The following LRRTM4 variants were observed in gnomAD, a reference collection of about 807,000 sequenced individuals.
LRRTM4 encodes the protein leucine rich repeat transmembrane neuronal 4.
LRRTM4 carries 25 observed loss-of-function variants against 47.6 expected under a neutral mutation model. The ratio of observed to expected loss-of-function variants is 0.53; its 90% CI spans 0.38 to 0.73. The LOEUF (loss-of-function observed/expected upper bound fraction) is 0.73. Ranked by LOEUF, LRRTM4 falls within the 30% of genes least tolerant of loss-of-function variation. LRRTM4 has a pLI of 0.00. For missense variants in LRRTM4, 638 were observed against 713.4 expected, an observed-to-expected ratio of 0.89 and a Z score of 1.20; for synonymous variants, 311 against 269.5, an observed-to-expected ratio of 1.15 and a Z score of -1.51.
At chr2:77,023,472 C>CA (rs1290761221) in intron 3 of LRRTM4, among the ~76,000 whole-genome samples, 6 of 152,316 alleles carry the variant, frequency 3.9e-5, no homozygotes, top group Admixed American at 3.3e-4. Context: ...TGTCAGGCTG[C>CA]AAATTTTCTC....
chr2:77,095,645 G>A (rs1423886245), intron 3 of LRRTM4, among the ~76,000 whole-genome samples: 1 of 147,400 alleles, frequency 6.8e-6, no homozygotes, highest in African/African-American at 2.7e-5. Context: ...AACTGAGACT[G>A]CAGGCTCAGT....
At chr2:77,082,025 C>A (rs967865344) in intron 3 of LRRTM4, among the ~76,000 whole-genome samples, 2 of 152,074 alleles carry the variant, frequency 1.3e-5, no homozygotes, top group Non-Finnish European at 2.9e-5. Context: ...TTTAGCATTA[C>A]CTAGTTTAGT....
intron 3 of LRRTM4, among the ~76,000 whole-genome samples, chr2:77,071,432 C>T (rs1277481534): frequency 3.9e-5 from 6 of 152,040 alleles, no homozygotes; most frequent in African/African-American, 4.8e-5. Context: ...TATAAAGATA[C>T]ATCTCTGGTA....
intron 3 of LRRTM4, among the ~76,000 whole-genome samples, chr2:76,855,629 GAATA>G (rs1275615149): frequency 4.6e-5 from 7 of 152,128 alleles, no homozygotes; most frequent in South Asian, 2.1e-4. Context: ...ATAAAAATTA[GAATA>G]AATAACAACA....
chr2:77,034,426 T>C (rs1202255547), intron 3 of LRRTM4, among the ~76,000 whole-genome samples: 2 of 151,972 alleles, frequency 1.3e-5, no homozygotes, highest in African/African-American at 4.8e-5. Context: ...AATATGCACA[T>C]TCCTAGACAT....
chr2:77,339,385 A>C (rs953159192), intron 3 of LRRTM4, among the ~76,000 whole-genome samples: 1 of 152,060 alleles, frequency 6.6e-6, no homozygotes, highest in African/African-American at 2.4e-5. Context: ...AAATTTGTTT[A>C]ATTTTAGGAC....
At chr2:77,454,616 G>A (rs551145706) in intron 3 of LRRTM4, among the ~76,000 whole-genome samples, 64 of 152,108 alleles carry the variant, frequency 4.2e-4, no homozygotes, top group African/African-American at 1.5e-3. Context: ...AGCAATGACC[G>A]CTACTGTTCA....
intron 3 of LRRTM4, among the ~76,000 whole-genome samples, chr2:77,446,987 T>C (rs897656094): frequency 2.1e-5 from 3 of 141,062 alleles, no homozygotes; most frequent in East Asian, 4.2e-4. Context: ...CCAAAACTAG[T>C]ACAAAATAAA....
chr2:77,518,537 A>G lies in LRRTM4; in HGVS notation c.1332T>C (p.Tyr444=), dbSNP rs753214256. Residue 444 remains tyrosine (Y), a synonymous_variant, in exon 3 of 4, where the codon TAT becomes TAC. Transcript: ENST00000409884. ...LSVAMILLVI[Y]VSWKRYPASM... is the part of the protein sequence containing the mutation. Reference sequence around the variant, plus strand: ...TGGCTGGGTAGCGTTTCCAAGACACATAGATCACCAAGAGGATCATGGCCA... The same window carrying G: ...TGGCTGGGTAGCGTTTCCAAGACACGTAGATCACCAAGAGGATCATGGCCA... The G allele has an allele frequency of 8.9e-5, 143 of 1,613,298 alleles. 2 individuals are homozygous for G. In the South Asian group the frequency reaches 1.5e-3, roughly 17 times the overall value.
intron 3 of LRRTM4, among the ~76,000 whole-genome samples, chr2:76,884,250 T>C (rs1170788661): frequency 6.6e-6 from 1 of 152,182 alleles, no homozygotes; most frequent in Non-Finnish European, 1.5e-5. Context: ...TAACCTTATT[T>C]AGGGAAGAAG....
intron 3 of LRRTM4, among the ~76,000 whole-genome samples, chr2:76,914,387 C>T (rs940381021): frequency 1.3e-5 from 2 of 151,972 alleles, no homozygotes; most frequent in Non-Finnish European, 2.9e-5. Context: ...ATTATATAAA[C>T]TGCATTCCCT....
At chr2:77,164,083 C>T (rs896039092) in intron 3 of LRRTM4, among the ~76,000 whole-genome samples, 3 of 152,150 alleles carry the variant, frequency 2.0e-5, no homozygotes, top group Non-Finnish European at 2.9e-5. Flanking sequence ...TGCAGAGACA[C>T]ACATAGGCTC....
At chr2:77,428,894 T>C (rs577832938) in intron 3 of LRRTM4, among the ~76,000 whole-genome samples, 1 of 152,248 alleles carries the variant, frequency 6.6e-6, no homozygotes, top group Admixed American at 6.5e-5. Flanking sequence ...TTTAAGCACA[T>C]AGTGTGCTGC....
intron 3 of LRRTM4, among the ~76,000 whole-genome samples, chr2:77,221,089 C>A (rs1382685098): frequency 1.3e-5 from 2 of 152,152 alleles, no homozygotes; most frequent in African/African-American, 4.8e-5. Context: ...CCCAGAATTT[C>A]ATATCCAGCC....
At chr2:77,497,396 G>A (rs1026101888) in intron 3 of LRRTM4, among the ~76,000 whole-genome samples, 2 of 151,132 alleles carry the variant, frequency 1.3e-5, no homozygotes, top group African/African-American at 4.8e-5. Context: ...TAAGGTCATG[G>A]ATTGGAGATA....
In LRRTM4 at chr2:76,928,958, T is replaced by C. The variant is rs559038468; in HGVS notation, c.1552-180042A>G. 3.3e-5 allele frequency among the ~76,000 whole-genome samples: 5 copies of C among 152,298 alleles called. No individual in the cohort carries two copies. The South Asian group carries it at 1.0e-3, about 32-fold the overall frequency. On this transcript the variant is annotated intron_variant, in intron 3 of 3. Transcript: ENST00000409884. ...TTACAAAGCTCTATGTAATATAGTA[T>C]GTTCTCACTTTCAGAGTGACTTAGA...
rs74933570 is a variant in LRRTM4 at position 77,517,439 on chromosome 2, A to G, written c.1551+879T>C. The G allele has an allele frequency of 1.3e-4, 127 of 985,180 alleles. 2 individuals are homozygous for G. In the East Asian group the frequency reaches 0.011, roughly 88 times the overall value. 61.0% of individuals were successfully genotyped at this position (985,180 alleles called of 1,614,324 possible). The stretch of plus-strand genomic sequence containing the variant: ...TCTTTTGGGGATGACAGCAATACTG[A>G]CAAACAGTCCCTGTTATGACTGCCA... On this transcript the variant is annotated intron_variant, in intron 3 of 3. Transcript: ENST00000409884.
At chr2:76,873,070 A>C (rs900898538) in intron 3 of LRRTM4, among the ~76,000 whole-genome samples, 1 of 152,234 alleles carries the variant, frequency 6.6e-6, no homozygotes, top group Admixed American at 6.5e-5. Context: ...ACTCAGCCTA[A>C]GGCATTTCTT....
At chr2:77,174,560 C>G (rs1673139427) in intron 3 of LRRTM4, among the ~76,000 whole-genome samples, 1 of 152,076 alleles carries the variant, frequency 6.6e-6, no homozygotes, top group African/African-American at 2.4e-5. Flanking sequence ...CAGTCATCAC[C>G]AAGAAATTTT....
Sources: gnomAD v4.1 joint callset for allele counts (sites outside exome capture counted in the v4.1 genomes callset) on GRCh38, gnomAD v4.1.1 for gene constraint, MANE v1.5 for transcripts, NCBI Gene and HGNC (gene_info 2026-07-23, HGNC 2026-07-21) for gene names.